Variants in CTNNA3 observed in about 807,000 individuals in gnomAD.
The protein encoded by CTNNA3 is catenin alpha-3.
A neutral mutation model predicts 95.7 loss-of-function variants in CTNNA3; 76 were observed. The observed-to-expected ratio is 0.79, with a 90% CI of 0.66 to 0.96. The LOEUF is 0.96. Among genes scored for constraint, CTNNA3 ranks in the 40% least tolerant of loss-of-function variants. The pLI, the probability that CTNNA3 is intolerant of heterozygous loss-of-function variation, is 0.00. For synonymous variants in CTNNA3, 431 were observed against 374.4 expected, an observed-to-expected ratio of 1.15 and a Z score of -1.74; for missense variants, 1,191 against 1,089.8, an observed-to-expected ratio of 1.09 and a Z score of -1.31.
intron 12 of CTNNA3, among the ~76,000 whole-genome samples, chr10:66,294,883 G>GGAGAGA (rs1415856025): frequency 2.5e-5 from 3 of 118,468 alleles, no homozygotes; most frequent in East Asian, 4.7e-4. Context: ...TAGACAGTCA[G>GGAGAGA]GACAGAGAGA....
At chr10:67,154,202 T>C in intron 7 of CTNNA3, among the ~76,000 whole-genome samples, 1 of 152,218 alleles carries the variant, frequency 6.6e-6, no homozygotes, top group South Asian at 2.1e-4. Context: ...AGTAAAATGT[T>C]AGCATGTAAT....
chr10:67,186,851 T>A (rs1862875513), intron 6 of CTNNA3, among the ~76,000 whole-genome samples: 1 of 152,204 alleles, frequency 6.6e-6, no homozygotes, highest in African/African-American at 2.4e-5. Flanking sequence ...CATTATTTTT[T>A]AAATATAATT....
chr10:66,730,818 A>G (rs1281081360), intron 9 of CTNNA3, among the ~76,000 whole-genome samples: 1 of 152,186 alleles, frequency 6.6e-6, no homozygotes, highest in Admixed American at 6.5e-5. Context: ...ATACACTTCT[A>G]TCTTGTCTGA....
intron 5 of CTNNA3, among the ~76,000 whole-genome samples, chr10:67,416,607 C>CAAAA (rs368513767): frequency 4.4e-4 from 17 of 38,328 alleles, no homozygotes; most frequent in African/African-American, 9.2e-4. Context: ...GACTCTGTCT[C>CAAAA]AAAAAAAAAA....
chr10:66,416,983 T>C (rs1230062390), intron 11 of CTNNA3, among the ~76,000 whole-genome samples: 1 of 151,896 alleles, frequency 6.6e-6, no homozygotes, highest in African/African-American at 2.4e-5. Flanking sequence ...GAACAAAGAA[T>C]ATACAAACCA....
chr10:67,640,125 A>C (rs575422681), intron 2 of CTNNA3, among the ~76,000 whole-genome samples: 95 of 152,276 alleles, frequency 6.2e-4, no homozygotes, highest in Middle Eastern at 6.8e-3. Flanking sequence ...AGCCCAAAAT[A>C]TCCTTAAGCT....
chr10:66,686,709 G>T (rs1847310005), intron 9 of CTNNA3, among the ~76,000 whole-genome samples: 1 of 152,018 alleles, frequency 6.6e-6, no homozygotes, highest in Non-Finnish European at 1.5e-5. Context: ...TGTTCTTGAA[G>T]CAACAGGAAA....
Position 66,345,905 on chromosome 10 carries a change from G to A in CTNNA3, c.1732+33247C>T, listed in dbSNP as rs550476630. ...AGCCTGACCAGTATGGTGAAACCCCGTTCTCTACTAAAAATACAAAACTTA... is the reference window on the plus strand; with the variant it reads ...AGCCTGACCAGTATGGTGAAACCCCATTCTCTACTAAAAATACAAAACTTA... On this transcript the variant is annotated intron_variant, in intron 12 of 17. Coordinates refer to ENST00000433211, the MANE Select transcript of CTNNA3 (RefSeq NM_013266.4). Among the ~76,000 whole-genome samples the A allele has an allele frequency of 3.2e-4, 49 of 151,082 alleles. 1 individual carries two copies. The highest frequency in any genetic ancestry group is 1.4e-3 in the East Asian group (7 of 5,064).
intron 7 of CTNNA3, among the ~76,000 whole-genome samples, chr10:67,057,208 A>G (rs930211909): frequency 2.0e-5 from 3 of 152,200 alleles, no homozygotes; most frequent in African/African-American, 4.8e-5. Context: ...ATGTTTTGAT[A>G]TACATATAAA....
intron 13 of CTNNA3, among the ~76,000 whole-genome samples, chr10:66,152,480 T>C (rs1360438098): frequency 6.6e-6 from 1 of 151,842 alleles, no homozygotes. Context: ...GTATAAAAAT[T>C]CTCATGTATA....
chr10:67,581,067 T>C (rs1377476654), intron 3 of CTNNA3, among the ~76,000 whole-genome samples: 4 of 152,208 alleles, frequency 2.6e-5, no homozygotes, highest in Non-Finnish European at 5.9e-5. Flanking sequence ...TCTTGCCTGA[T>C]TGCCCTGGCC....
chr10:66,316,224 A>G (rs2092098055), intron 12 of CTNNA3, among the ~76,000 whole-genome samples: 1 of 152,092 alleles, frequency 6.6e-6, no homozygotes, highest in African/African-American at 2.4e-5. Context: ...TGGTAAAGGT[A>G]GTGGGTTAAA....
chr10:66,489,216 A>T (rs1839836583), intron 11 of CTNNA3, among the ~76,000 whole-genome samples: 1 of 152,166 alleles, frequency 6.6e-6, no homozygotes, highest in Non-Finnish European at 1.5e-5. Flanking sequence ...AGAAGCTATT[A>T]ACCTAGCTTT....
intron 1 of CTNNA3, among the ~76,000 whole-genome samples, chr10:67,736,315 G>C (rs1249027183): frequency 6.6e-6 from 1 of 152,106 alleles, no homozygotes; most frequent in Non-Finnish European, 1.5e-5. Context: ...CAGAGTTTCT[G>C]TTTGGGATGA....
At chr10:67,510,215 G>C (rs1839569752) in intron 5 of CTNNA3, among the ~76,000 whole-genome samples, 1 of 152,076 alleles carries the variant, frequency 6.6e-6, no homozygotes, top group Non-Finnish European at 1.5e-5. Flanking sequence ...GTCTATCTTG[G>C]CTTTTGTTGC....
At chr10:67,606,740 C>T (rs1048297596) in intron 3 of CTNNA3, 117 bp downstream of exon 3, 2 of 776,384 alleles carry the variant, frequency 2.6e-6, no homozygotes, top group Non-Finnish European at 4.1e-6. Context: ...CTCCTCACAG[C>T]TCTGCAAAAG....
intron 11 of CTNNA3, among the ~76,000 whole-genome samples, chr10:66,408,770 A>G (rs539461383): frequency 6.6e-6 from 1 of 152,316 alleles, no homozygotes; most frequent in East Asian, 1.9e-4. Context: ...GAGTACATTA[A>G]ACATTTTAAA....
chr10:66,567,012 G>A (rs1416406248), intron 10 of CTNNA3, among the ~76,000 whole-genome samples: 1 of 24,838 alleles, frequency 4.0e-5, no homozygotes, highest in Non-Finnish European at 6.4e-5. Context: ...GAGAGAGGAA[G>A]TGGGAGAAAA....
chr10:66,438,464 C>A (rs887096560), intron 11 of CTNNA3, among the ~76,000 whole-genome samples: 4 of 152,184 alleles, frequency 2.6e-5, no homozygotes, highest in African/African-American at 9.6e-5. Context: ...GGGCCCCACC[C>A]AGTTTGAACT....
Sources: allele counts gnomAD v4.1 joint callset (sites outside exome capture counted in the v4.1 genomes callset), GRCh38; gene constraint gnomAD v4.1.1; transcripts MANE v1.5; gene names NCBI Gene and HGNC (gene_info 2026-07-23, HGNC 2026-07-21).